Variants in RIMBP2 observed in about 807,000 individuals in gnomAD.
The protein encoded by RIMBP2 is RIMS-binding protein 2.
In RIMBP2, 48 loss-of-function variants were observed where a neutral mutation model predicts 118.6. That is an observed-to-expected ratio of 0.40 (90% confidence interval 0.32 to 0.51). The LOEUF (loss-of-function observed/expected upper bound fraction) is 0.51. RIMBP2 is among the 20% of genes least tolerant of loss of function. The pLI is 0.41. For synonymous variants in RIMBP2, 762 were observed against 742.9 expected (o/e 1.03, Z -0.42); for missense variants, 1,551 against 1,768.3 (o/e 0.88, Z 2.20).
intron 2 of RIMBP2, among the ~76,000 whole-genome samples, chr12:130,520,301 G>A (rs1383501187): frequency 6.6e-6 from 1 of 152,118 alleles, no homozygotes; most frequent in South Asian, 2.1e-4. Flanking sequence ...TGCAAAGGGA[G>A]AGAAACATCT....
chr12:130,545,304 G>A (rs532083347), intron 2 of RIMBP2, among the ~76,000 whole-genome samples: 18 of 152,286 alleles, frequency 1.2e-4, no homozygotes, highest in Non-Finnish European at 1.9e-4. Context: ...TGCAGCTACC[G>A]AACACATGAA....
intron 22 of RIMBP2, chr12:130,398,176 A>G (rs1007725620): frequency 2.0e-5 from 3 of 152,366 alleles, no homozygotes; most frequent in African/African-American, 7.2e-5. Flanking sequence ...GTATTTAAAT[A>G]TACGTTAAGC....
intron 1 of RIMBP2, among the ~76,000 whole-genome samples, chr12:130,711,775 C>A (rs1451032775): frequency 6.6e-6 from 1 of 152,234 alleles, no homozygotes; most frequent in African/African-American, 2.4e-5. Context: ...TGCAGTCACG[C>A]CTTGCTTAAC....
intron 12 of RIMBP2, 31 bp downstream of exon 12, chr12:130,438,334 A>AGCCCCCC: frequency 1.5e-6 from 2 of 1,344,516 alleles, no homozygotes; most frequent in Non-Finnish European, 1.1e-6. Flanking sequence ...GGGCCTAACA[A>AGCCCCCC]ACCCTCCCCA....
At chr12:130,478,275 G>A (rs879419201) in intron 5 of RIMBP2, among the ~76,000 whole-genome samples, 10 of 152,042 alleles carry the variant, frequency 6.6e-5, no homozygotes, top group Admixed American at 1.3e-4. Flanking sequence ...ACTGGGATCC[G>A]GCTATAAATA....
chr12:130,671,419 A>C (rs981102545), intron 1 of RIMBP2, among the ~76,000 whole-genome samples: 1 of 152,138 alleles, frequency 6.6e-6, no homozygotes. Context: ...CTTATTGCAC[A>C]AACTAAAATT....
At chr12:130,438,334 A>ATGCCCC in intron 12 of RIMBP2, 31 bp downstream of exon 12, 18 of 1,344,486 alleles carry the variant, frequency 1.3e-5, no homozygotes, top group Non-Finnish European at 1.9e-5. Context: ...GGGCCTAACA[A>ATGCCCC]ACCCTCCCCA....
intron 2 of RIMBP2, among the ~76,000 whole-genome samples, chr12:130,568,446 T>C (rs535355628): frequency 6.6e-6 from 1 of 152,334 alleles, no homozygotes; most frequent in East Asian, 1.9e-4. Flanking sequence ...AGTTCTCTGG[T>C]ATCCACACAG....
At chr12:130,661,069 A>G (rs1222071840) in intron 1 of RIMBP2, among the ~76,000 whole-genome samples, 1 of 152,168 alleles carries the variant, frequency 6.6e-6, no homozygotes, top group Non-Finnish European at 1.5e-5. Flanking sequence ...AGTACATAAT[A>G]TCTCAGATTC....
chr12:130,529,734 G>A (rs970429677), intron 2 of RIMBP2, among the ~76,000 whole-genome samples: 1 of 152,178 alleles, frequency 6.6e-6, no homozygotes, highest in Non-Finnish European at 1.5e-5. Context: ...CAGCTTCACG[G>A]AAGACAAGTT....
chr12:130,538,845 C>T (rs1267141405), intron 2 of RIMBP2, among the ~76,000 whole-genome samples: 3 of 152,136 alleles, frequency 2.0e-5, no homozygotes, highest in East Asian at 1.9e-4. Flanking sequence ...CTTCCCTCCC[C>T]GTATTGCCTG....
At chr12:130,449,340 C>A (rs2137321963) in intron 9 of RIMBP2, among the ~76,000 whole-genome samples, 1 of 152,378 alleles carries the variant, frequency 6.6e-6, no homozygotes, top group African/African-American at 2.4e-5. Flanking sequence ...CTCATCCTTG[C>A]CCACGTCCGC....
intron 1 of RIMBP2, chr12:130,651,276 G>C (rs1419962457): frequency 6.6e-6 from 1 of 152,214 alleles, no homozygotes; most frequent in African/African-American, 2.4e-5. Context: ...GGCCTGAGGA[G>C]ACCTCAGGGG....
rs542488131 is a variant in RIMBP2, at chr12:130,469,840, C to T, written c.153+853G>A. Among the ~76,000 whole-genome samples, 5 of 152,272 alleles carry T rather than the reference C, an allele frequency of 3.3e-5. No homozygotes were observed. Among genetic ancestry groups the T allele is most frequent in the East Asian group, 1.9e-4 (1 of 5,170 alleles). On this transcript the variant is annotated intron_variant, in intron 6 of 22. Transcript: ENST00000690449. This position sits in a 1 kb window ranked among gnomAD's most constrained non-coding sequence, Gnocchi z 4.8. ...ACGCCACCCCAGGGCAGATCCCCTC[C>T]GAGGTAAATCTCTCCTTGAGGGGGT...
chr12:130,713,836 T>G (rs1171047224), intron 1 of RIMBP2, among the ~76,000 whole-genome samples: 1 of 152,164 alleles, frequency 6.6e-6, no homozygotes, highest in Non-Finnish European at 1.5e-5. Context: ...TGCACTCAGC[T>G]TCATGTATGA....
At chr12:130,418,957 G>C (rs1019797930) in intron 17 of RIMBP2, among the ~76,000 whole-genome samples, 1 of 152,220 alleles carries the variant, frequency 6.6e-6, no homozygotes, top group Admixed American at 6.5e-5. Flanking sequence ...ACAATGTCAC[G>C]TTGTTTTGGG....
rs575234703 is a variant in RIMBP2, at chr12:130,424,616, C to G, written c.2655G>C (p.Pro885=). The G allele has an allele frequency of 8.4e-5, 104 of 1,231,890 alleles. No homozygotes were observed. In the African/African-American group the frequency reaches 1.6e-3, roughly 19 times the overall value. The allele number at this position is 1,231,890 out of a possible 1,614,324, so 76.3% of individuals were successfully genotyped here. The part of the protein sequence containing the change: ...GDEAPRGSWF[P]VKHRGSGAVP... ...CGGCCCCCGAGCCCCTGTGCTTCAC[C>G]GGGAACCAGGAGCCCCGAGGGGCCT... The change falls in exon 16 of 23, where the codon CCG becomes CCC. Residue 885 remains proline (P), a synonymous_variant. Transcript: ENST00000690449. The surrounding 1 kb of genome is among the most constrained non-coding windows in gnomAD (Gnocchi z 9.8).
chr12:130,715,026 G>A (rs896067466), intron 1 of RIMBP2, among the ~76,000 whole-genome samples: 11 of 152,190 alleles, frequency 7.2e-5, no homozygotes, highest in Non-Finnish European at 1.0e-4. Context: ...GAGCCCAGCA[G>A]CCTGGCCTGC....
intron 2 of RIMBP2, among the ~76,000 whole-genome samples, chr12:130,536,565 A>AG (rs1299928295): frequency 1.3e-5 from 2 of 152,196 alleles, no homozygotes; most frequent in Non-Finnish European, 2.9e-5. Context: ...GGGCACTTAC[A>AG]GATTGGCCGA....
Sources: allele counts gnomAD v4.1 joint callset (sites outside exome capture counted in the v4.1 genomes callset), GRCh38; gene constraint gnomAD v4.1.1; non-coding constraint Gnocchi (gnomAD v3.1); transcripts MANE v1.5; gene names NCBI Gene and HGNC (gene_info 2026-07-23, HGNC 2026-07-21).